PDE4D: variants seen among roughly 807,000 people sequenced by gnomAD.
PDE4D encodes the protein 3',5'-cyclic-AMP phosphodiesterase 4D.
Under a neutral mutation model 87.4 loss-of-function variants are expected in PDE4D, and 24 were observed. The observed-to-expected ratio is 0.27, with a 90% CI of 0.20 to 0.39. The LOEUF is 0.39. Ranked by LOEUF, PDE4D falls within the 10% of genes least tolerant of loss-of-function variation. The pLI, the probability that PDE4D is intolerant of heterozygous loss-of-function variation, is 1.00. For missense variants in PDE4D, 714 were observed against 1,041.0 expected (o/e 0.69, Z 4.32); for synonymous variants, 384 against 383.2 (o/e 1.00, Z -0.02).
chr5:59,006,333 T>C (rs1036951211), intron 6 of PDE4D, among the ~76,000 whole-genome samples: 1 of 152,156 alleles, frequency 6.6e-6, no homozygotes, highest in Non-Finnish European at 1.5e-5. Context: ...GGGAGGCCAA[T>C]GCGGGAGGAT....
intron 2 of PDE4D, 57 bp from the exon 3 acceptor site, chr5:59,193,593 C>A: frequency 6.3e-7 from 1 of 1,597,442 alleles, no homozygotes. Context: ...TGCTCAGTGT[C>A]GTTCAATATT....
chr5:60,302,095 T>C (rs1753952707), intron 1 of PDE4D, among the ~76,000 whole-genome samples: 1 of 152,248 alleles, frequency 6.6e-6, no homozygotes, highest in Non-Finnish European at 1.5e-5. Flanking sequence ...TTGAGGACTT[T>C]TGCATCAATG....
chr5:59,819,405 CT>C (rs1294395872), intron 1 of PDE4D, among the ~76,000 whole-genome samples: 2 of 152,206 alleles, frequency 1.3e-5, no homozygotes, highest in South Asian at 2.1e-4. Flanking sequence ...TAGACTTTCA[CT>C]TTTTTTCTCC....
At chr5:59,964,883 G>T (rs1320667560) in intron 3 of PDE4D, among the ~76,000 whole-genome samples, 1 of 151,876 alleles carries the variant, frequency 6.6e-6, no homozygotes, top group Non-Finnish European at 1.5e-5. Context: ...GCCTCATCTG[G>T]CTCCATGGTA....
chr5:60,387,486 C>T (rs569168290), intron 1 of PDE4D, among the ~76,000 whole-genome samples: 1 of 152,266 alleles, frequency 6.6e-6, no homozygotes, highest in South Asian at 2.1e-4. Flanking sequence ...CCTAGTTCCC[C>T]TACACTGACT....
At chr5:60,148,040 C>T in intron 2 of PDE4D, 1 of 244,648 alleles carries the variant, frequency 4.1e-6, no homozygotes, top group Non-Finnish European at 8.4e-6. Context: ...CCAGAAAGTG[C>T]AGATCACTGG....
chr5:59,111,856 G>A (rs1263779837), intron 5 of PDE4D, among the ~76,000 whole-genome samples: 1 of 152,186 alleles, frequency 6.6e-6, no homozygotes, highest in Non-Finnish European at 1.5e-5. Flanking sequence ...AGAATGTACT[G>A]AGCAACCTAG....
intron 5 of PDE4D, among the ~76,000 whole-genome samples, chr5:59,061,819 CAATT>C (rs1257495307): frequency 6.6e-5 from 10 of 152,054 alleles, no homozygotes; most frequent in Non-Finnish European, 2.9e-5. Context: ...ACATAAATAT[CAATT>C]ATCTGTTCAC....
At chr5:60,259,063 C>T (rs952801105) in intron 1 of PDE4D, among the ~76,000 whole-genome samples, 1 of 152,004 alleles carries the variant, frequency 6.6e-6, no homozygotes, top group Non-Finnish European at 1.5e-5. Flanking sequence ...TATTTACTAT[C>T]TCTATCTTCA....
chr5:60,398,190 G>T (rs1314188605), intron 1 of PDE4D, among the ~76,000 whole-genome samples: 1 of 152,142 alleles, frequency 6.6e-6, no homozygotes, highest in African/African-American at 2.4e-5. Context: ...TTTTTGAACT[G>T]ATTTGCAAAT....
At chr5:60,487,009 C>T (rs994098060) in intron 1 of PDE4D, among the ~76,000 whole-genome samples, 2 of 152,148 alleles carry the variant, frequency 1.3e-5, no homozygotes, top group Non-Finnish European at 2.9e-5. Flanking sequence ...TAGGGGAAAT[C>T]AATAATGATT....
At chr5:59,767,010 G>C (rs1476595409) in intron 1 of PDE4D, among the ~76,000 whole-genome samples, 1 of 152,096 alleles carries the variant, frequency 6.6e-6, no homozygotes, top group African/African-American at 2.4e-5. Context: ...TCATGTCTTT[G>C]GGTGTGACAT....
At chr5:60,155,125 C>G (rs1331230233) in intron 2 of PDE4D, among the ~76,000 whole-genome samples, 1 of 152,144 alleles carries the variant, frequency 6.6e-6, no homozygotes, top group African/African-American at 2.4e-5. Context: ...ACTAGAATTA[C>G]TGGGTCATAG....
At chr5:60,452,442 G>A (rs527773725) in intron 1 of PDE4D, among the ~76,000 whole-genome samples, 4 of 152,186 alleles carry the variant, frequency 2.6e-5, no homozygotes, top group African/African-American at 9.6e-5. Context: ...CCCGCCACAT[G>A]TCTGCCCACT....
At chr5:59,995,517 A>G (rs1216436271) in intron 2 of PDE4D, among the ~76,000 whole-genome samples, 1 of 151,962 alleles carries the variant, frequency 6.6e-6, no homozygotes, top group Admixed American at 6.6e-5. Flanking sequence ...ACGGAGTTTC[A>G]TCATGTTGGC....
At chr5:59,737,866 T>C (rs1032095731) in intron 1 of PDE4D, among the ~76,000 whole-genome samples, 2 of 152,126 alleles carry the variant, frequency 1.3e-5, no homozygotes, top group African/African-American at 2.4e-5. Flanking sequence ...CAACATAACA[T>C]ATAGAATCAA....
chr5:59,643,019 CT>C (rs935264669), intron 1 of PDE4D, among the ~76,000 whole-genome samples: 2 of 152,096 alleles, frequency 1.3e-5, no homozygotes, highest in African/African-American at 4.8e-5. Context: ...ACTTCTGCTT[CT>C]TGCCCAAAGG....
Position 58,970,359 on chromosome 5 carries a change from G to C in PDE4D, c.*4305C>G, listed in dbSNP as rs905886760. ...CCAGGGCTGCTAAAATCTACAGTTTGTGTCAAAAAATAAAATAAAATAAAA... is the reference window on the plus strand; with the variant it reads ...CCAGGGCTGCTAAAATCTACAGTTTCTGTCAAAAAATAAAATAAAATAAAA... On this transcript the variant is annotated 3_prime_UTR_variant, in exon 15 of 15. Coordinates refer to ENST00000340635, the MANE Select transcript of PDE4D (RefSeq NM_001104631.2). 2 of 151,974 alleles carry C rather than the reference G, an allele frequency of 1.3e-5. No homozygotes were observed. The highest frequency in any genetic ancestry group is 2.9e-5 in the Non-Finnish European group (2 of 67,992). 9.4% of individuals were successfully genotyped at this position (151,974 alleles called of 1,614,324 possible).
intron 1 of PDE4D, among the ~76,000 whole-genome samples, chr5:59,410,677 CT>C (rs1372474895): frequency 3.3e-5 from 5 of 150,254 alleles, no homozygotes; most frequent in East Asian, 1.9e-4. Flanking sequence ...CAATCTCATT[CT>C]TTTTTTATGG....
Sources: allele counts gnomAD v4.1 joint callset (sites outside exome capture counted in the v4.1 genomes callset), GRCh38; gene constraint gnomAD v4.1.1; transcripts MANE v1.5; gene names NCBI Gene and HGNC (gene_info 2026-07-23, HGNC 2026-07-21).